Variants in USP54 observed in about 807,000 individuals in gnomAD.
The protein encoded by USP54 is ubiquitin carboxyl-terminal hydrolase 54.
A neutral mutation model predicts 170.5 loss-of-function variants in USP54; 87 were observed. The observed-to-expected ratio is 0.51, with a 90% CI of 0.43 to 0.61. The LOEUF (loss-of-function observed/expected upper bound fraction) is 0.61. Ranked by LOEUF, USP54 falls within the 20% of genes least tolerant of loss-of-function variation. The pLI is 0.00. For synonymous variants in USP54, 655 were observed against 742.8 expected, an observed-to-expected ratio of 0.88 and a Z score of 1.92; for missense variants, 1,786 against 2,047.8, an observed-to-expected ratio of 0.87 and a Z score of 2.47.
At chr10:73,607,223 G>A (rs909556916) in intron 1 of USP54, among the ~76,000 whole-genome samples, 4 of 151,498 alleles carry the variant, frequency 2.6e-5, no homozygotes, top group African/African-American at 9.7e-5. Flanking sequence ...CTTGAGTCCA[G>A]GAGGTGGAGG....
Position 73,542,871 on chromosome 10 carries a change from G to A in USP54, c.504C>T (p.Ser168=). The A allele has an allele frequency of 6.2e-7, 1 of 1,614,136 alleles. No individual in the cohort carries two copies. Residue 168 remains serine (S), a synonymous_variant, in exon 7 of 24, where the codon AGC becomes AGT. Coordinates refer to ENST00000687698, the MANE Select transcript of USP54 (RefSeq NM_001391956.1). ...MTLFEQCVCT[S]CGATSDPLPF... ...GCAGCGGATCAGAAGTGGCACCACAGCTAGTACATACACACTGGGCAAAAG... is the reference window on the plus strand; with the variant it reads ...GCAGCGGATCAGAAGTGGCACCACAACTAGTACATACACACTGGGCAAAAG...
At chr10:73,540,309 G>A (rs375595114) in intron 9 of USP54, among the ~76,000 whole-genome samples, 5 of 150,372 alleles carry the variant, frequency 3.3e-5, no homozygotes, top group African/African-American at 9.7e-5. Context: ...GGTGGCTCAC[G>A]CCTGTAATCC....
At chr10:73,612,605 G>T (rs2080236360) in intron 1 of USP54, among the ~76,000 whole-genome samples, 1 of 152,030 alleles carries the variant, frequency 6.6e-6, no homozygotes, top group Non-Finnish European at 1.5e-5. Context: ...ACTTAGGGAG[G>T]CCAAGGCTGG....
In USP54 at chr10:73,534,687, C is replaced by T; in HGVS notation, c.1228G>A (p.Val410Met). The T allele has an allele frequency of 6.2e-7, 1 of 1,614,140 alleles. No individual in the cohort carries two copies. Among genetic ancestry groups the T allele is most frequent in the Non-Finnish European group, 8.5e-7 (1 of 1,179,998 alleles). ...GAATCAGAAGAGAAGTGACTGACCA[C>T]AGACTCATGGTGGGAATGTTTGTAG... ...YPYKHSHHES[V>M]VSHFSSDSQG... is the part of the protein sequence containing the mutation. The change falls in exon 12 of 24, where the codon GTG (valine) becomes ATG (methionine). Residue 410 changes from valine to methionine, a missense_variant. Transcript: ENST00000687698.
intron 22 of USP54, among the ~76,000 whole-genome samples, chr10:73,501,279 C>A (rs1029899398): frequency 6.6e-6 from 1 of 151,994 alleles, no homozygotes; most frequent in Non-Finnish European, 1.5e-5. Context: ...AGAACTCTAC[C>A]CCATCTTCTC....
In USP54 at chr10:73,530,252, A is replaced by G. The variant is rs1328351221; in HGVS notation, c.1719T>C (p.Arg573=). The part of the protein sequence containing the change: ...ESKSSSSSKY[R]PTWRPKRESL... ...ATTCTCGTTTGGGTCTCCATGTGGG[A>G]CGATACTTGCTGGAAGAACTGGATT... The change falls in exon 14 of 24, where the codon CGT becomes CGC. Residue 573 remains arginine, a synonymous_variant. Coordinates refer to ENST00000687698, the MANE Select transcript of USP54 (RefSeq NM_001391956.1). 6.2e-7 allele frequency: 1 copy of G among 1,614,146 alleles called. No individual in the cohort carries two copies. Among genetic ancestry groups the G allele is most frequent in the Non-Finnish European group, 8.5e-7 (1 of 1,180,014 alleles).
At chr10:73,534,568 A>C in intron 12 of USP54, 32 bp downstream of exon 12, 2 of 1,600,684 alleles carry the variant, frequency 1.2e-6, no homozygotes, top group South Asian at 1.1e-5. Flanking sequence ...GAATTGATTC[A>C]GGCAAGCAGG....
chr10:73,564,614 AG>A (rs2133740232), intron 4 of USP54, among the ~76,000 whole-genome samples: 1 of 152,278 alleles, frequency 6.6e-6, no homozygotes, highest in East Asian at 1.9e-4. Flanking sequence ...ACCCCTCTCA[AG>A]GATCACCATA....
intron 4 of USP54, among the ~76,000 whole-genome samples, chr10:73,570,296 C>T (rs1209800051): frequency 2.0e-5 from 3 of 151,898 alleles, no homozygotes; most frequent in Non-Finnish European, 4.4e-5. Flanking sequence ...TAGCAACATA[C>T]CTAAAATCTC....
At chr10:73,570,945 C>T (rs2133792980) in intron 4 of USP54, among the ~76,000 whole-genome samples, 1 of 152,082 alleles carries the variant, frequency 6.6e-6, no homozygotes, top group East Asian at 1.9e-4. Flanking sequence ...TGAGACCAGC[C>T]TGGCCAACAT....
At chr10:73,558,157 G>A (rs998594334) in intron 4 of USP54, among the ~76,000 whole-genome samples, 2 of 152,150 alleles carry the variant, frequency 1.3e-5, no homozygotes, top group African/African-American at 4.8e-5. Context: ...TGGAATTACA[G>A]GCATGAGCCA....
chr10:73,521,654 T>C (rs1009234664), intron 17 of USP54, among the ~76,000 whole-genome samples: 9 of 152,230 alleles, frequency 5.9e-5, no homozygotes, highest in African/African-American at 1.7e-4. Flanking sequence ...GCCAGGGCAG[T>C]TGAACTGCCT....
rs2061112243 is a variant in USP54 at position 73,516,512 on chromosome 10, T to C, written c.3914A>G (p.His1305Arg). 3 of 1,614,054 alleles carry C rather than the reference T, an allele frequency of 1.9e-6. No homozygotes were observed. Among genetic ancestry groups the C allele is most frequent in the Admixed American group, 3.3e-5 (2 of 60,004 alleles). ...TYPERNHILLHPHWNQDTEQE... is the reference protein window; with the variant it reads ...TYPERNHILLRPHWNQDTEQE... ...CTCTGTGTCTTGGTTCCAATGTGGA[T>C]GCAAAAGGATGTGATTTCTCTCTGG... Residue 1305 changes from histidine (H) to arginine (R), a missense_variant, in exon 20 of 24, where the codon CAT (histidine) becomes CGT (arginine). Physicochemically the swap from His to Arg is conservative, Grantham distance 29 (BLOSUM62 0). Around this residue, in one of 3 missense-constraint regions of USP54, gnomAD observed 1,418 missense variants for 1,569.0 expected, o/e 0.90. Coordinates refer to ENST00000687698, the MANE Select transcript of USP54 (RefSeq NM_001391956.1).
chr10:73,539,761 ACTT>A, intron 9 of USP54, among the ~76,000 whole-genome samples, 168 bp from the exon 10 acceptor site: 1 of 152,220 alleles, frequency 6.6e-6, no homozygotes, highest in African/African-American at 2.4e-5. Context: ...TAACTTCAGC[ACTT>A]TGTGAGGCCA....
chr10:73,594,705 T>C (rs1449223517), upstream of USP54, among the ~76,000 whole-genome samples: 2 of 152,088 alleles, frequency 1.3e-5, no homozygotes, highest in African/African-American at 4.8e-5. Context: ...TATCATTTGA[T>C]CCTGGGGAGA....
At chr10:73,552,407 C>T (rs1289957368) in intron 4 of USP54, among the ~76,000 whole-genome samples, 1 of 135,896 alleles carries the variant, frequency 7.4e-6, no homozygotes, top group African/African-American at 2.7e-5. Context: ...AGTGAGGCTC[C>T]ATCTCAAAAA....
upstream of USP54, among the ~76,000 whole-genome samples, chr10:73,593,204 A>G (rs1020886397): frequency 6.6e-5 from 10 of 151,810 alleles, no homozygotes; most frequent in Middle Eastern, 3.4e-3. Flanking sequence ...ACAAAAAAAA[A>G]AAAGAAAGAA....
intron 9 of USP54, among the ~76,000 whole-genome samples, chr10:73,541,082 T>C (rs1446321265): frequency 6.6e-6 from 1 of 152,168 alleles, no homozygotes; most frequent in Admixed American, 6.5e-5. Context: ...GAATAGAACA[T>C]ATAATAACTC....
intron 4 of USP54, among the ~76,000 whole-genome samples, chr10:73,552,412 CAAA>C (rs77565476): frequency 7.3e-5 from 7 of 95,380 alleles, no homozygotes; most frequent in African/African-American, 8.1e-5. Flanking sequence ...GGCTCCATCT[CAAA>C]AAAAAAAAAA....
Sources: gnomAD v4.1 joint callset for allele counts (sites outside exome capture counted in the v4.1 genomes callset) on GRCh38, gnomAD v4.1.1 for gene constraint, gnomAD v4.1.1 regional missense constraint, MANE v1.5 for transcripts, NCBI Gene and HGNC (gene_info 2026-07-23, HGNC 2026-07-21) for gene names.